Variants in SMAD3 observed in about 807,000 individuals in gnomAD.
The protein encoded by SMAD3 is MAD homolog 3.
In SMAD3, 12 loss-of-function variants were observed where a neutral mutation model predicts 51.8. The observed-to-expected ratio is 0.23, with a 90% CI of 0.15 to 0.38. SMAD3 has a LOEUF of 0.38. Ranked by LOEUF, SMAD3 falls within the 10% of genes least tolerant of loss-of-function variation. The probability of loss-of-function intolerance (pLI) is 1.00; values close to 1 mark genes in which losing one functional copy is unlikely to be tolerated. For synonymous variants in SMAD3, 238 were observed against 227.7 expected, an observed-to-expected ratio of 1.05 and a Z score of -0.41; for missense variants, 294 against 565.6, an observed-to-expected ratio of 0.52 and a Z score of 4.87.
chr15:67,138,079 G>A (rs746123640), intron 1 of SMAD3: 5 of 1,551,548 alleles, frequency 3.2e-6, no homozygotes, highest in South Asian at 1.2e-5. Flanking sequence ...CTGGTACACC[G>A]GAAAGCATGG....
At chr15:67,142,182 G>T in intron 1 of SMAD3, among the ~76,000 whole-genome samples, 2 of 142,806 alleles carry the variant, frequency 1.4e-5, no homozygotes, top group African/African-American at 2.6e-5. Flanking sequence ...TCATTCTTTT[G>T]TGTGTCTCCT....
chr15:67,169,622 A>ATTT lies in SMAD3; in HGVS notation c.608-915_608-913dup, dbSNP rs11333560. The stretch of plus-strand genomic sequence containing the variant: ...CCTCAGCCTTCACCACTTACGGCTT[A>ATTT]TTTTTTTTTTTTTTTTTTTCTGTAG... On this transcript the variant is annotated intron_variant, in intron 4 of 8. Transcript: ENST00000327367. Among the ~76,000 whole-genome samples the ATTT allele has an allele frequency of 9.9e-3, 1,263 of 127,904 alleles. 22 individuals are homozygous for ATTT. The highest frequency in any genetic ancestry group is 0.036 in the African/African-American group (1,215 of 33,512). 83.9% of individuals were successfully genotyped at this position (127,904 alleles called of 152,430 possible).
At chr15:67,118,656 G>C (rs1396458218) in intron 1 of SMAD3, among the ~76,000 whole-genome samples, 1 of 152,166 alleles carries the variant, frequency 6.6e-6, no homozygotes, top group Admixed American at 6.5e-5. Flanking sequence ...GTTTAAAATA[G>C]CTAGGTAAGG....
chr15:67,158,874 C>T (rs1341776499), intron 1 of SMAD3, among the ~76,000 whole-genome samples: 8 of 152,054 alleles, frequency 5.3e-5, no homozygotes, highest in Admixed American at 1.3e-4. Context: ...CTTACTTTGC[C>T]GGCCACTATC....
intron 1 of SMAD3, among the ~76,000 whole-genome samples, chr15:67,097,635 A>G (rs1416623624): frequency 6.6e-6 from 1 of 152,122 alleles, no homozygotes; most frequent in African/African-American, 2.4e-5. Flanking sequence ...AATGGGTATA[A>G]TGGTAATTAT....
At chr15:67,151,802 A>G (rs1962152619) in intron 1 of SMAD3, among the ~76,000 whole-genome samples, 1 of 152,146 alleles carries the variant, frequency 6.6e-6, no homozygotes, top group Non-Finnish European at 1.5e-5. Context: ...CCTGTCAAGC[A>G]TTTATCATTT....
chr15:67,144,909 C>T (rs1009051307), intron 1 of SMAD3, among the ~76,000 whole-genome samples: 2 of 152,010 alleles, frequency 1.3e-5, no homozygotes, highest in African/African-American at 4.8e-5. Flanking sequence ...CAGAGGATTG[C>T]GTGATGGGGG....
chr15:67,141,237 A>G (rs1012701523), intron 1 of SMAD3, among the ~76,000 whole-genome samples: 1 of 152,144 alleles, frequency 6.6e-6, no homozygotes, highest in Non-Finnish European at 1.5e-5. Context: ...TGCACAATAA[A>G]TATTTATTGA....
At chr15:67,069,863 G>C (rs1000285121) in intron 1 of SMAD3, among the ~76,000 whole-genome samples, 37 of 152,130 alleles carry the variant, frequency 2.4e-4, no homozygotes, top group South Asian at 4.2e-4. Flanking sequence ...CCGCCACCAC[G>C]CCCAGCTAAT....
intron 1 of SMAD3, among the ~76,000 whole-genome samples, chr15:67,090,881 C>G (rs1219520930): frequency 6.6e-6 from 1 of 152,204 alleles, no homozygotes; most frequent in East Asian, 1.9e-4. Flanking sequence ...GACCACCAAA[C>G]TGTGTTTGGT....
chr15:67,068,204 AAG>A (rs1166677116), intron 1 of SMAD3, among the ~76,000 whole-genome samples: 3 of 152,376 alleles, frequency 2.0e-5, no homozygotes, highest in Admixed American at 1.3e-4. Flanking sequence ...GAAACCTTAA[AAG>A]AGAGAGGTGA....
intron 1 of SMAD3, among the ~76,000 whole-genome samples, chr15:67,154,646 T>C (rs1962235028): frequency 6.6e-6 from 1 of 152,200 alleles, no homozygotes; most frequent in Admixed American, 6.5e-5. Context: ...TCTTTGAAAA[T>C]GCCAGGGTGT....
intron 1 of SMAD3, among the ~76,000 whole-genome samples, chr15:67,100,842 A>G (rs532734021): frequency 2.0e-5 from 3 of 152,226 alleles, no homozygotes; most frequent in African/African-American, 4.8e-5. Flanking sequence ...GACTTGCTCA[A>G]GGGCACAGAG....
At chr15:67,173,978 T>C (rs1444604416) in intron 5 of SMAD3, among the ~76,000 whole-genome samples, 1 of 152,210 alleles carries the variant, frequency 6.6e-6, no homozygotes, top group Non-Finnish European at 1.5e-5. Flanking sequence ...TGTGCTTAAC[T>C]ATGTCCAGGA....
intron 5 of SMAD3, 114 bp downstream of exon 5, chr15:67,170,718 GC>G: frequency 1.2e-6 from 1 of 836,218 alleles, no homozygotes; most frequent in Non-Finnish European, 2.0e-6. Flanking sequence ...CCTACCATCA[GC>G]CCAGCTCAGC....
At chr15:67,073,889 T>C (rs563593116) in intron 1 of SMAD3, among the ~76,000 whole-genome samples, 1 of 152,280 alleles carries the variant, frequency 6.6e-6, no homozygotes, top group Non-Finnish European at 1.5e-5. Context: ...GCCAGGCTGG[T>C]CTCCAACTCC....
intron 1 of SMAD3, among the ~76,000 whole-genome samples, chr15:67,112,296 C>T (rs1961034948): frequency 6.7e-6 from 1 of 149,830 alleles, no homozygotes. Context: ...ATTACAGGCG[C>T]CCGCCACCAC....
chr15:67,097,100 C>G (rs190092464), intron 1 of SMAD3, among the ~76,000 whole-genome samples: 1 of 152,306 alleles, frequency 6.6e-6, no homozygotes, highest in East Asian at 1.9e-4. Flanking sequence ...TCAGGCAGTC[C>G]TCAGTCTTTT....
chr15:67,130,550 C>G (rs905469962), intron 1 of SMAD3, among the ~76,000 whole-genome samples: 9 of 152,146 alleles, frequency 5.9e-5, no homozygotes, highest in Non-Finnish European at 1.3e-4. Flanking sequence ...GAATCTAATG[C>G]CTGATGATCT....
Sources: gnomAD v4.1 joint callset for allele counts (sites outside exome capture counted in the v4.1 genomes callset) on GRCh38, gnomAD v4.1.1 for gene constraint, MANE v1.5 for transcripts, NCBI Gene and HGNC (gene_info 2026-07-23, HGNC 2026-07-21) for gene names.